ATP8A1: variants seen among roughly 807,000 people sequenced by gnomAD.
ATP8A1 encodes ATPase phospholipid transporting 8A1.
In ATP8A1, 90 loss-of-function variants were observed where a neutral mutation model predicts 177.7. The ratio of observed to expected loss-of-function variants is 0.51; its 90% CI spans 0.43 to 0.60. The LOEUF (loss-of-function observed/expected upper bound fraction) is 0.60, where lower values mean the gene tolerates loss of function less well. Among genes scored for constraint, ATP8A1 ranks in the 20% least tolerant of loss-of-function variants. ATP8A1 has a pLI of 0.00. For synonymous variants in ATP8A1, 493 were observed against 485.9 expected (o/e 1.01, Z -0.19); for missense variants, 1,072 against 1,392.8 (o/e 0.77, Z 3.67).
At chr4:42,455,833 T>C (rs571667119) in intron 27 of ATP8A1, among the ~76,000 whole-genome samples, 11 of 152,298 alleles carry the variant, frequency 7.2e-5, no homozygotes, top group African/African-American at 2.6e-4. Flanking sequence ...AAGAAATATA[T>C]GAACAGGCAA....
chr4:42,496,819 T>C (rs1723324164), intron 24 of ATP8A1, among the ~76,000 whole-genome samples: 1 of 151,772 alleles, frequency 6.6e-6, no homozygotes, highest in Non-Finnish European at 1.5e-5. Flanking sequence ...CCCACACATA[T>C]ATACGTACAT....
At chr4:42,432,053 G>A (rs150865524) in intron 33 of ATP8A1, among the ~76,000 whole-genome samples, 1 of 152,274 alleles carries the variant, frequency 6.6e-6, no homozygotes, top group East Asian at 1.9e-4. Context: ...CGGAGAAGGT[G>A]CATTTTGTGT....
chr4:42,482,634 T>C (rs1014373597), intron 25 of ATP8A1, among the ~76,000 whole-genome samples: 2 of 152,230 alleles, frequency 1.3e-5, no homozygotes, highest in Admixed American at 6.5e-5. Context: ...CTCATCTTTA[T>C]AACTGTGTCA....
intron 33 of ATP8A1, among the ~76,000 whole-genome samples, chr4:42,430,986 C>T (rs1715228479): frequency 6.6e-6 from 1 of 152,100 alleles, no homozygotes; most frequent in Non-Finnish European, 1.5e-5. Flanking sequence ...TCCTCCAGAG[C>T]ATTTAACACA....
intron 8 of ATP8A1, among the ~76,000 whole-genome samples, chr4:42,587,239 CA>C (rs1219056153): frequency 6.6e-6 from 1 of 151,790 alleles, no homozygotes; most frequent in Non-Finnish European, 1.5e-5. Context: ...ATTTTAGGTT[CA>C]GGGGTGTACA....
rs766007748 is a variant in ATP8A1, at chr4:42,624,607, G to A, written c.292C>T (p.Arg98Cys). The A allele has an allele frequency of 2.7e-6, 4 of 1,463,848 alleles. No individual in the cohort carries two copies. Among genetic ancestry groups the A allele is most frequent in the East Asian group, 2.5e-5 (1 of 40,286 alleles). The allele number at this position is 1,463,848 out of a possible 1,614,324, so 90.7% of individuals were successfully genotyped here. A position where few individuals can be genotyped will look rare whatever the true frequency, so the allele number is the denominator to read the frequency against. The change falls in exon 4 of 37, where the codon CGT becomes TGT. Residue 98 changes from arginine to cysteine, a missense_variant. Around this residue, in one of 5 missense-constraint regions of ATP8A1, gnomAD observed 344 missense variants for 393.5 expected, o/e 0.87. Coordinates refer to ENST00000381668, the MANE Select transcript of ATP8A1 (RefSeq NM_006095.2). ...AAGAGAGGAACCAGTGTTGTATAAC[G>A]ACCTGTTGGTGACACATCAGGTATT... ...QQIPDVSPTGRYTTLVPLLFI... is the reference protein window; with the variant it reads ...QQIPDVSPTGCYTTLVPLLFI...
intron 8 of ATP8A1, among the ~76,000 whole-genome samples, chr4:42,587,821 G>T (rs1733780707): frequency 6.6e-6 from 1 of 151,834 alleles, no homozygotes; most frequent in South Asian, 2.1e-4. Context: ...TGTTAGCCAG[G>T]ATGGTCTCGA....
At chr4:42,629,494 A>T (rs536437308) in intron 1 of ATP8A1, among the ~76,000 whole-genome samples, 1 of 152,224 alleles carries the variant, frequency 6.6e-6, no homozygotes, top group Non-Finnish European at 1.5e-5. Context: ...GAAAGCAGGG[A>T]GTGAGGCTCT....
intron 7 of ATP8A1, among the ~76,000 whole-genome samples, chr4:42,589,296 A>G (rs1205019675): frequency 6.6e-6 from 1 of 152,236 alleles, no homozygotes; most frequent in African/African-American, 2.4e-5. Context: ...TACTAATATC[A>G]CATAAGTATT....
rs1004650159 is a variant in ATP8A1 at position 42,549,032 on chromosome 4, T to C, written c.1633A>G (p.Asn545Asp). Reference protein sequence around the residue: ...LGQEERYELLNVLEFTSARKR... With the variant: ...LGQEERYELLDVLEFTSARKR... ...TTTTACCTGGTAAACTCCAAGACAT[T>C]GAGCAATTCATATCTTTCTTCCTGC... Residue 545 changes from asparagine (N) to aspartate (D), a missense_variant, in exon 19 of 37, where the codon AAT becomes GAT. Coordinates refer to ENST00000381668, the MANE Select transcript of ATP8A1 (RefSeq NM_006095.2). The C allele has an allele frequency of 2.5e-6, 4 of 1,612,106 alleles. No individual in the cohort carries two copies. In the African/African-American group the frequency reaches 5.3e-5, roughly 22 times the overall value.
chr4:42,534,599 C>T (rs573431749), intron 20 of ATP8A1, among the ~76,000 whole-genome samples: 15 of 152,124 alleles, frequency 9.9e-5, no homozygotes, highest in East Asian at 1.9e-4. Context: ...AAGGAATCAT[C>T]GAGGAAAATT....
At position 42,425,113 on chromosome 4, in the gene ATP8A1, T is replaced by TA. The variant is rs1338559315; in HGVS notation, c.3124-1409dup. 3.3e-5 allele frequency among the ~76,000 whole-genome samples: 5 copies of TA among 152,080 alleles called. No homozygotes were observed. In the East Asian group the frequency reaches 9.6e-4, roughly 29 times the overall value. On this transcript the variant is annotated intron_variant, in intron 33 of 36. Transcript: ENST00000381668. ...AAGCTTTCTAGTAAGGTAACAACTG[T>TA]AAAAAACCAATTTCTTTCTCCTTCT... is the stretch of plus-strand genomic sequence containing the variant.
At position 42,446,080 on chromosome 4, in the gene ATP8A1, C is replaced by CAAAAAAAAAA. The variant is rs11311245; in HGVS notation, c.2958+493_2958+502dup. The stretch of plus-strand genomic sequence containing the variant: ...GGGCGACAAGAGTGAAACGCCCTCT[C>CAAAAAAAAAA]AAAAAAAAAAAAAAAAAAAGAGAAG... On this transcript the variant is annotated intron_variant, in intron 31 of 36. Coordinates refer to ENST00000381668, the MANE Select transcript of ATP8A1 (RefSeq NM_006095.2). Among the ~76,000 whole-genome samples the CAAAAAAAAAA allele has an allele frequency of 6.1e-4, 39 of 63,888 alleles. 1 individual carries two copies. The highest frequency in any genetic ancestry group is 1.1e-3 in the Non-Finnish European group (35 of 30,508). The allele number at this position is 63,888 out of a possible 152,430, so 41.9% of individuals were successfully genotyped here.
chr4:42,480,335 G>A (rs1362080991), intron 25 of ATP8A1, among the ~76,000 whole-genome samples: 2 of 152,080 alleles, frequency 1.3e-5, no homozygotes, highest in Admixed American at 6.6e-5. Flanking sequence ...GTTATAAAGT[G>A]TATTCAGTGT....
intron 18 of ATP8A1, among the ~76,000 whole-genome samples, chr4:42,549,666 A>C (rs575972148): frequency 6.6e-6 from 1 of 152,014 alleles, no homozygotes; most frequent in Admixed American, 6.6e-5. Context: ...GCGGTGGCAC[A>C]TGCCTATCTA....
intron 8 of ATP8A1, among the ~76,000 whole-genome samples, chr4:42,586,884 T>G (rs1458502795): frequency 1.3e-5 from 2 of 152,222 alleles, no homozygotes; most frequent in African/African-American, 2.4e-5. Context: ...TTCTCTTTTT[T>G]TATTCCAGAG....
intron 5 of ATP8A1, among the ~76,000 whole-genome samples, chr4:42,608,443 T>G (rs1736042210): frequency 6.6e-6 from 1 of 151,530 alleles, no homozygotes; most frequent in Non-Finnish European, 1.5e-5. Flanking sequence ...CACTGTAACC[T>G]CCACCTCTCA....
In ATP8A1 at chr4:42,656,874, C is replaced by A. The variant is rs903716778; in HGVS notation, c.-1G>T. ...ACACGGTCCTCCGCATGGTGGGCATCGCGGCGGCGGCTGCAGGTGGGTCCT... is the reference window on the plus strand; with the variant it reads ...ACACGGTCCTCCGCATGGTGGGCATAGCGGCGGCGGCTGCAGGTGGGTCCT... On this transcript the variant is annotated 5_prime_UTR_variant, in exon 1 of 37. Coordinates refer to ENST00000381668, the MANE Select transcript of ATP8A1 (RefSeq NM_006095.2). 6.3e-7 allele frequency: 1 copy of A among 1,584,448 alleles called. No homozygotes were observed. The highest frequency in any genetic ancestry group is 1.2e-5 in the South Asian group (1 of 86,826).
At chr4:42,423,923 G>A (rs4484335) in intron 33 of ATP8A1, among the ~76,000 whole-genome samples, 3,777 of 152,130 alleles carry the variant, frequency 0.025, 64 homozygotes, top group South Asian at 0.059. Context: ...TATAAGATAT[G>A]GTGTAAAATA....
Sources: allele counts gnomAD v4.1 joint callset (sites outside exome capture counted in the v4.1 genomes callset), GRCh38; gene constraint gnomAD v4.1.1; regional missense constraint gnomAD v4.1.1; transcripts MANE v1.5; gene names NCBI Gene and HGNC (gene_info 2026-07-23, HGNC 2026-07-21).